The following ROBO2 variants were observed in gnomAD, a reference collection of about 807,000 sequenced individuals.
The protein encoded by ROBO2 is roundabout guidance receptor 2.
In ROBO2, 53 loss-of-function variants were observed where a neutral mutation model predicts 160.8. The observed-to-expected ratio is 0.33, with a 90% CI of 0.26 to 0.41. The LOEUF is 0.41. Ranked by LOEUF, ROBO2 falls within the 10% of genes least tolerant of loss-of-function variation. The probability of loss-of-function intolerance (pLI) is 1.00; values close to 1 mark genes in which losing one functional copy is unlikely to be tolerated. For missense variants in ROBO2, 1,577 were observed against 1,722.4 expected, an observed-to-expected ratio of 0.92 and a Z score of 1.49; for synonymous variants, 664 against 611.7, an observed-to-expected ratio of 1.09 and a Z score of -1.26.
At chr3:76,423,085 T>C (rs998233573) in intron 2 of ROBO2, among the ~76,000 whole-genome samples, 4 of 152,136 alleles carry the variant, frequency 2.6e-5, no homozygotes, top group Non-Finnish European at 5.9e-5. Context: ...GTGAAAGGCA[T>C]GATGGCAAGT....
chr3:76,717,544 G>A (rs1457599912), intron 2 of ROBO2, among the ~76,000 whole-genome samples: 3 of 151,936 alleles, frequency 2.0e-5, no homozygotes, highest in African/African-American at 7.2e-5. Flanking sequence ...TAACAGAGTT[G>A]TGGAGAGTGT....
intron 2 of ROBO2, among the ~76,000 whole-genome samples, chr3:76,118,345 T>C (rs3860543): frequency 0.089 from 13,528 of 152,186 alleles, 1,316 homozygotes; most frequent in African/African-American, 0.23. Context: ...CAGCCATGTG[T>C]CCAACTGTTA....
At chr3:76,260,970 G>GA (rs1396944531) in intron 2 of ROBO2, among the ~76,000 whole-genome samples, 2 of 151,920 alleles carry the variant, frequency 1.3e-5, no homozygotes, top group African/African-American at 2.4e-5. Flanking sequence ...AGTGAGGGTA[G>GA]AAAAAATGTA....
intron 2 of ROBO2, among the ~76,000 whole-genome samples, chr3:76,948,908 A>T (rs12487065): frequency 0.019 from 475 of 24,926 alleles, 2 homozygotes; most frequent in Non-Finnish European, 0.022. Context: ...ATATATATAT[A>T]TTTTTTTTTT....
chr3:77,029,984 C>T (rs1164826599), intron 2 of ROBO2, among the ~76,000 whole-genome samples: 15 of 150,772 alleles, frequency 9.9e-5, no homozygotes, highest in African/African-American at 2.9e-4. Context: ...CTCGCTCTGT[C>T]GCCCAGGCTG....
At chr3:76,405,265 C>A (rs985428205) in intron 2 of ROBO2, among the ~76,000 whole-genome samples, 1 of 150,908 alleles carries the variant, frequency 6.6e-6, no homozygotes, top group Admixed American at 6.6e-5. Context: ...TATATGAGAA[C>A]AAGGTTGCTT....
intron 2 of ROBO2, among the ~76,000 whole-genome samples, chr3:76,840,327 TG>T (rs954452929): frequency 6.6e-6 from 1 of 151,894 alleles, no homozygotes; most frequent in African/African-American, 2.4e-5. Context: ...AATTATGAAG[TG>T]GCTGGGCGCG....
At chr3:77,493,152 T>C (rs570917787) in intron 4 of ROBO2, 92 bp from the exon 5 acceptor site, 1 of 1,376,588 alleles carries the variant, frequency 7.3e-7, no homozygotes, top group Non-Finnish European at 1.0e-6. Flanking sequence ...GTACCAAAAG[T>C]AAATTAGGTT....
At chr3:76,602,826 G>A (rs1014727618) in intron 2 of ROBO2, among the ~76,000 whole-genome samples, 1 of 152,122 alleles carries the variant, frequency 6.6e-6, no homozygotes, top group Non-Finnish European at 1.5e-5. Flanking sequence ...AATTCAAGAT[G>A]AGATTTGGGT....
At chr3:76,520,471 T>C (rs916444786) in intron 2 of ROBO2, among the ~76,000 whole-genome samples, 4 of 152,026 alleles carry the variant, frequency 2.6e-5, no homozygotes, top group African/African-American at 9.7e-5. Flanking sequence ...TCTAGTACTG[T>C]GATGATAAGT....
intron 2 of ROBO2, among the ~76,000 whole-genome samples, chr3:76,017,464 A>G (rs148213350): frequency 0.013 from 2,045 of 152,282 alleles, 27 homozygotes; most frequent in Non-Finnish European, 0.022. Context: ...CCTAAAGAGC[A>G]TCTGTCTCCT....
intron 2 of ROBO2, among the ~76,000 whole-genome samples, chr3:76,468,782 A>T (rs916057623): frequency 3.3e-5 from 5 of 151,946 alleles, no homozygotes; most frequent in Non-Finnish European, 7.4e-5. Context: ...TCTATTTGTC[A>T]TTCCGTGCTG....
intron 2 of ROBO2, among the ~76,000 whole-genome samples, chr3:76,816,785 G>A (rs2065703710): frequency 1.3e-5 from 2 of 151,902 alleles, no homozygotes; most frequent in Non-Finnish European, 2.9e-5. Context: ...GTTTATTGTG[G>A]CACTATTCAC....
At chr3:77,129,150 A>G (rs905355508) in intron 2 of ROBO2, among the ~76,000 whole-genome samples, 4 of 151,814 alleles carry the variant, frequency 2.6e-5, no homozygotes, top group Non-Finnish European at 4.4e-5. Context: ...TTTAGTAATA[A>G]TTATTAATTA....
intron 16 of ROBO2, among the ~76,000 whole-genome samples, chr3:77,587,088 T>C (rs2153682493): frequency 6.6e-6 from 1 of 152,126 alleles, no homozygotes; most frequent in East Asian, 1.9e-4. Context: ...CTCAGACCAA[T>C]ATGGGTCAGC....
intron 2 of ROBO2, among the ~76,000 whole-genome samples, chr3:77,313,838 C>A (rs2063745167): frequency 6.6e-6 from 1 of 152,164 alleles, no homozygotes; most frequent in Admixed American, 6.5e-5. Context: ...CCTACCTCGG[C>A]CTCCCAAAGT....
intron 2 of ROBO2, among the ~76,000 whole-genome samples, chr3:77,180,601 T>C (rs1038900677): frequency 6.6e-6 from 1 of 151,162 alleles, no homozygotes; most frequent in African/African-American, 2.4e-5. Flanking sequence ...TATTTTTCTA[T>C]ATACCATATT....
chr3:77,464,204 A>G (rs2082529033), intron 2 of ROBO2, among the ~76,000 whole-genome samples: 4 of 152,222 alleles, frequency 2.6e-5, no homozygotes, highest in African/African-American at 7.2e-5. Flanking sequence ...TCATCTGGAT[A>G]ATAAAAGTAG....
At chr3:77,346,374 C>T (rs896898288) in intron 2 of ROBO2, among the ~76,000 whole-genome samples, 5 of 152,024 alleles carry the variant, frequency 3.3e-5, no homozygotes, top group Non-Finnish European at 7.4e-5. Flanking sequence ...GCATATCAAC[C>T]TTCTCCCTGG....
Sources: allele counts gnomAD v4.1 joint callset (sites outside exome capture counted in the v4.1 genomes callset), GRCh38; gene constraint gnomAD v4.1.1; transcripts MANE v1.5; gene names NCBI Gene and HGNC (gene_info 2026-07-23, HGNC 2026-07-21).